Variants in TDRD5 observed in about 807,000 individuals in gnomAD.
The protein encoded by TDRD5 is tudor domain containing 5.
TDRD5 carries 41 observed loss-of-function variants against 120.6 expected under a neutral mutation model. The observed-to-expected ratio is 0.34, with a 90% confidence interval of 0.26 to 0.44. The LOEUF is 0.44. Ranked by LOEUF, TDRD5 falls within the 20% of genes least tolerant of loss-of-function variation. TDRD5 has a pLI of 1.00. For missense variants in TDRD5, 1,006 were observed against 1,221.2 expected (o/e 0.82, Z 2.63); for synonymous variants, 430 against 433.7 (o/e 0.99, Z 0.11).
chr1:179,674,527 C>T (rs547166690), intron 17 of TDRD5, among the ~76,000 whole-genome samples: 10 of 152,006 alleles, frequency 6.6e-5, no homozygotes, highest in South Asian at 4.2e-4. Context: ...TGTCCTTTCC[C>T]GGTTTTGGTA....
chr1:179,640,273 T>C (rs1207784402), intron 10 of TDRD5, 106 bp from the exon 11 acceptor site: 6 of 1,279,932 alleles, frequency 4.7e-6, no homozygotes, highest in South Asian at 1.2e-5. Flanking sequence ...GACGATGAGA[T>C]TACGTTTTAG....
At chr1:179,594,097 T>TA (rs954062482) in intron 3 of TDRD5, among the ~76,000 whole-genome samples, 68 of 152,322 alleles carry the variant, frequency 4.5e-4, no homozygotes, top group African/African-American at 1.6e-3. Context: ...GTGAGTTCTG[T>TA]AAAATCTCTG....
chr1:179,635,373 G>A (rs1677707674), intron 8 of TDRD5, among the ~76,000 whole-genome samples: 1 of 152,112 alleles, frequency 6.6e-6, no homozygotes, highest in African/African-American at 2.4e-5. Context: ...TTTCAATTTT[G>A]TATAGAGCAA....
intron 17 of TDRD5, among the ~76,000 whole-genome samples, chr1:179,681,277 TG>T (rs35521623): frequency 0.17 from 25,829 of 152,150 alleles, 2,841 homozygotes; most frequent in Non-Finnish European, 0.24. Context: ...GACAAAATGT[TG>T]TATATATCTT....
intron 11 of TDRD5, among the ~76,000 whole-genome samples, chr1:179,641,752 T>G (rs1393032515): frequency 2.6e-5 from 4 of 152,176 alleles, no homozygotes; most frequent in Non-Finnish European, 5.9e-5. Context: ...TACTTTTATA[T>G]GTTATTAAGT....
Position 179,592,801 on chromosome 1 carries a change from T to A in TDRD5, c.186T>A (p.Asp62Glu), listed in dbSNP as rs781514384. Residue 62 changes from aspartate (D) to glutamate (E), a missense_variant, in exon 2 of 18, where the codon GAT (aspartate) becomes GAA (glutamate). Around this residue, in one of 3 missense-constraint regions of TDRD5, gnomAD observed 445 missense variants for 515.5 expected, o/e 0.86. Coordinates refer to ENST00000444136, the MANE Select transcript of TDRD5 (RefSeq NM_001199085.3). ...TGGAGCTGGTATTGGACATGCCTGATGTTGTTCGTGTCTGCCCCGGTGCAG... is the reference window on the plus strand; with the variant it reads ...TGGAGCTGGTATTGGACATGCCTGAAGTTGTTCGTGTCTGCCCCGGTGCAG... Reference protein sequence around the residue: ...STMELVLDMPDVVRVCPGAGG... With the variant: ...STMELVLDMPEVVRVCPGAGG... The A allele has an allele frequency of 1.9e-6, 3 of 1,614,196 alleles. No individual in the cohort carries two copies. Among genetic ancestry groups the A allele is most frequent in the Non-Finnish European group, 2.5e-6 (3 of 1,180,038 alleles).
intron 9 of TDRD5, among the ~76,000 whole-genome samples, chr1:179,637,212 C>G (rs1158766924): frequency 6.6e-6 from 1 of 152,162 alleles, no homozygotes; most frequent in African/African-American, 2.4e-5. Flanking sequence ...CTCCAGGACA[C>G]CTGGCATAAT....
rs562253929 is a variant in TDRD5 at position 179,641,626 on chromosome 1, A to G, written c.1800+1181A>G. 3.3e-5 allele frequency among the ~76,000 whole-genome samples: 5 copies of G among 152,250 alleles called. No individual in the cohort carries two copies. In the South Asian group the frequency reaches 1.0e-3, roughly 32 times the overall value. On this transcript the variant is annotated intron_variant, in intron 11 of 17. Transcript: ENST00000444136. Reference sequence around the variant, plus strand: ...TAGAAATTTGGTGTATGTTTCTTCCAGTTTATTTTATTGGATGTTGGGAGC... The same window carrying G: ...TAGAAATTTGGTGTATGTTTCTTCCGGTTTATTTTATTGGATGTTGGGAGC...
chr1:179,639,617 A>G (rs1036665542), intron 9 of TDRD5, among the ~76,000 whole-genome samples: 1 of 152,246 alleles, frequency 6.6e-6, no homozygotes, highest in Non-Finnish European at 1.5e-5. Flanking sequence ...ATGTGAGATC[A>G]GAAAATGAGT....
chr1:179,657,115 G>A (rs887564004), intron 14 of TDRD5, among the ~76,000 whole-genome samples: 3 of 152,036 alleles, frequency 2.0e-5, no homozygotes, highest in Non-Finnish European at 1.5e-5. Flanking sequence ...TTTCAAAATT[G>A]TTTTTAATAT....
intron 4 of TDRD5, among the ~76,000 whole-genome samples, chr1:179,602,217 T>C (rs1675753596): frequency 6.6e-6 from 1 of 152,204 alleles, no homozygotes; most frequent in Admixed American, 6.5e-5. Context: ...CATGCCAACA[T>C]CTGTTTTTTG....
At chr1:179,632,138 C>A (rs1344546103) in intron 7 of TDRD5, among the ~76,000 whole-genome samples, 1 of 151,904 alleles carries the variant, frequency 6.6e-6, no homozygotes, top group African/African-American at 2.4e-5. Context: ...AATCTCCTGA[C>A]CTCGTGATCC....
chr1:179,631,014 T>C (rs1677412473), intron 7 of TDRD5, 94 bp downstream of exon 7: 1 of 1,226,090 alleles, frequency 8.2e-7, no homozygotes, highest in Non-Finnish European at 1.1e-6. Context: ...ATGAAATGTT[T>C]TATAAAATGA....
chr1:179,665,203 TTTTC>T (rs1255389622), intron 16 of TDRD5, among the ~76,000 whole-genome samples: 1 of 152,168 alleles, frequency 6.6e-6, no homozygotes, highest in Non-Finnish European at 1.5e-5. Flanking sequence ...ACTCTTCTGT[TTTTC>T]TTTTTCACTT....
At chr1:179,643,238 A>G (rs10157060) in intron 11 of TDRD5, among the ~76,000 whole-genome samples, 2,642 of 152,330 alleles carry the variant, frequency 0.017, 55 homozygotes, top group African/African-American at 0.059. Context: ...AGTTAAAACA[A>G]ATCACTCTTG....
chr1:179,651,642 G>A (rs780012019), intron 12 of TDRD5, among the ~76,000 whole-genome samples: 25 of 152,256 alleles, frequency 1.6e-4, no homozygotes, highest in South Asian at 4.1e-4. Flanking sequence ...GGCTGGGCGT[G>A]GTGGCTCACG....
At chr1:179,628,919 T>TTTTTTGTTGTTG (rs1677285134) in intron 6 of TDRD5, among the ~76,000 whole-genome samples, 1 of 151,182 alleles carries the variant, frequency 6.6e-6, no homozygotes, top group African/African-American at 2.4e-5. Flanking sequence ...GACTGAGGAA[T>TTTTTTGTTGTTG]TTGTTGTTGT....
chr1:179,658,430 T>A (rs72706762), intron 14 of TDRD5, among the ~76,000 whole-genome samples: 5,776 of 152,280 alleles, frequency 0.038, 170 homozygotes, highest in East Asian at 0.11. Context: ...ATAAAATCAA[T>A]TGCTTTAGTA....
chr1:179,669,605 T>C (rs916041367), intron 17 of TDRD5, among the ~76,000 whole-genome samples: 2 of 152,192 alleles, frequency 1.3e-5, no homozygotes, highest in Non-Finnish European at 2.9e-5. Context: ...TGCACTTTTG[T>C]TTTTTTGCCG....
Sources: allele counts gnomAD v4.1 joint callset (sites outside exome capture counted in the v4.1 genomes callset), GRCh38; gene constraint gnomAD v4.1.1; regional missense constraint gnomAD v4.1.1; transcripts MANE v1.5; gene names NCBI Gene and HGNC (gene_info 2026-07-23, HGNC 2026-07-21).